Variants in RNF38 observed in about 807,000 individuals in gnomAD.
RNF38 encodes the protein ring finger protein 38.
RNF38 carries 15 observed loss-of-function variants against 67.2 expected under a neutral mutation model. The observed-to-expected ratio is 0.22, with a 90% CI of 0.15 to 0.34. The LOEUF (loss-of-function observed/expected upper bound fraction) is 0.34, where lower values mean the gene tolerates loss of function less well. Among genes scored for constraint, RNF38 ranks in the 10% least tolerant of loss-of-function variants. The pLI is 1.00. For synonymous variants in RNF38, 220 were observed against 218.8 expected (o/e 1.01, Z -0.05); for missense variants, 524 against 639.9 (o/e 0.82, Z 1.95).
intron 1 of RNF38, among the ~76,000 whole-genome samples, chr9:36,476,841 G>C (rs1055411221): frequency 6.6e-6 from 1 of 152,002 alleles, no homozygotes; most frequent in African/African-American, 2.4e-5. Flanking sequence ...ATGCTGGCGG[G>C]TAAGAATAAA....
chr9:36,447,950 A>G (rs1440530534), intron 1 of RNF38, among the ~76,000 whole-genome samples: 2 of 152,222 alleles, frequency 1.3e-5, no homozygotes, highest in Non-Finnish European at 2.9e-5. Context: ...CTACCCCCTA[A>G]GTTCTTCTGA....
chr9:36,352,753 C>T lies in RNF38; in HGVS notation c.1167G>A (p.Leu389=). 1 of 1,609,194 alleles carries T rather than the reference C, an allele frequency of 6.2e-7. No individual in the cohort carries two copies. ...AAGAAAGAACTTACAACACATATGGCAGTAAGCTGGGATGATAAGGGGGAG... is the reference window on the plus strand; with the variant it reads ...AAGAAAGAACTTACAACACATATGGTAGTAAGCTGGGATGATAAGGGGGAG... The part of the protein sequence containing the change: ...IPPPPYHPSL[L]PYVLSMLPVP... The change falls in exon 8 of 12, where the codon CTG becomes CTA. Residue 389 remains leucine, a synonymous_variant. Transcript: ENST00000259605.
Position 36,390,710 on chromosome 9 carries a change from T to C in RNF38, c.13-94A>G, listed in dbSNP as rs1192265132. On this transcript the variant is annotated intron_variant, in intron 1 of 11. Coordinates refer to ENST00000259605, the MANE Select transcript of RNF38 (RefSeq NM_022781.5). ...AGGATAGTCTGGATTTTCTAGGTAT[T>C]TGATGATTCTGCTAGCGAAGACAGG... The C allele has an allele frequency of 3.2e-6, 4 of 1,241,322 alleles. No homozygotes were observed. The East Asian group carries it at 7.2e-5, about 22-fold the overall frequency. 76.9% of individuals were successfully genotyped at this position (1,241,322 alleles called of 1,614,324 possible). A position where few individuals can be genotyped will look rare whatever the true frequency, so the allele number is the denominator to read the frequency against.
At chr9:36,395,334 T>C (rs972175504) in intron 1 of RNF38, among the ~76,000 whole-genome samples, 2 of 152,152 alleles carry the variant, frequency 1.3e-5, no homozygotes, top group Non-Finnish European at 2.9e-5. Context: ...TTCCTTTTTT[T>C]TTTTTCTCCA....
chr9:36,439,158 G>C (rs930103578), intron 1 of RNF38, among the ~76,000 whole-genome samples: 2 of 152,126 alleles, frequency 1.3e-5, no homozygotes, highest in Non-Finnish European at 2.9e-5. Context: ...TTATATTCTA[G>C]CTAATTCTAA....
intron 8 of RNF38, among the ~76,000 whole-genome samples, chr9:36,351,572 AT>A (rs1833687477): frequency 6.6e-6 from 1 of 152,212 alleles, no homozygotes; most frequent in South Asian, 2.1e-4. Context: ...AAACTGAAAC[AT>A]TTTAAGACCA....
chr9:36,484,552 A>T lies in RNF38; in HGVS notation n.241+2756T>A, dbSNP rs537478935. On this transcript the variant is annotated intron_variant and non_coding_transcript_variant, in intron 1 of 3. Transcript: ENST00000488058. ...CTTAATTTACGATTACCTGATTCAG[A>T]TTTTTTTTAAGTAATAGGACATTAA... Among the ~76,000 whole-genome samples, 84 of 152,192 alleles carry T rather than the reference A, an allele frequency of 5.5e-4. No homozygotes were observed. The South Asian group carries it at 6.0e-3, about 11-fold the overall frequency.
At chr9:36,456,206 ACAC>A (rs1358914324) in intron 1 of RNF38, among the ~76,000 whole-genome samples, 2 of 152,050 alleles carry the variant, frequency 1.3e-5, no homozygotes, top group African/African-American at 4.8e-5. Context: ...TTACAGGTGT[ACAC>A]CACCACATCT....
chr9:36,346,878 G>A (rs1833276643), intron 9 of RNF38, among the ~76,000 whole-genome samples: 1 of 152,064 alleles, frequency 6.6e-6, no homozygotes, highest in Admixed American at 6.5e-5. Context: ...AGCACTTTGG[G>A]AGGCTAAGGC....
intron 4 of RNF38, among the ~76,000 whole-genome samples, chr9:36,365,819 C>T (rs1165393197): frequency 5.3e-5 from 8 of 151,746 alleles, no homozygotes; most frequent in African/African-American, 1.9e-4. Context: ...GTGCGCGCCA[C>T]CATGCCCAGC....
At chr9:36,416,857 A>G (rs1838487954) in intron 2 of RNF38, among the ~76,000 whole-genome samples, 1 of 144,048 alleles carries the variant, frequency 6.9e-6, no homozygotes, top group African/African-American at 2.6e-5. Flanking sequence ...GGTTAAAGCG[A>G]TTCTCCTGCC....
chr9:36,459,038 T>C (rs1390565107), intron 1 of RNF38, among the ~76,000 whole-genome samples: 1 of 151,896 alleles, frequency 6.6e-6, no homozygotes, highest in African/African-American at 2.4e-5. Flanking sequence ...TGAAACCCTG[T>C]CTCTACTAAA....
At chr9:36,376,167 T>G in intron 2 of RNF38, 40 bp from the exon 3 acceptor site, 1 of 1,471,520 alleles carries the variant, frequency 6.8e-7, no homozygotes, top group Non-Finnish European at 9.1e-7. Context: ...GTAAGATCTT[T>G]TAAAGATTTC....
At chr9:36,477,324 A>G (rs1354260756) in intron 1 of RNF38, among the ~76,000 whole-genome samples, 2 of 145,726 alleles carry the variant, frequency 1.4e-5, no homozygotes, top group Non-Finnish European at 3.1e-5. Flanking sequence ...CTCGTCTGGA[A>G]AAAAAAAAAA....
chr9:36,472,665 CA>C (rs1840022182), intron 1 of RNF38, among the ~76,000 whole-genome samples: 1 of 152,206 alleles, frequency 6.6e-6, no homozygotes, highest in Non-Finnish European at 1.5e-5. Flanking sequence ...GCCCACAATA[CA>C]GATGAGATAC....
chr9:36,369,765 G>C lies in RNF38; in HGVS notation c.524C>G (p.Ala175Gly), dbSNP rs186189289. The C allele has an allele frequency of 6.2e-7, 1 of 1,614,068 alleles. No homozygotes were observed. Among genetic ancestry groups the C allele is most frequent in the Admixed American group, 1.7e-5 (1 of 60,016 alleles). The change falls in exon 4 of 12, where the codon GCT becomes GGT. Residue 175 changes from alanine to glycine, a missense_variant. Ala to Gly is a moderately conservative substitution (Grantham distance 60, BLOSUM62 0). Around this residue, in one of 2 missense-constraint regions of RNF38, gnomAD observed 461 missense variants for 517.4 expected, o/e 0.89. Coordinates refer to ENST00000259605, the MANE Select transcript of RNF38 (RefSeq NM_022781.5). ...GACTGCATTCTGCTGGGGTGGATGA[G>C]CAGCAGGATGTAGCAGACGGGGAGA... ...NVSPRLLHPAAHPPQQNAVMV... is the reference protein window; with the variant it reads ...NVSPRLLHPAGHPPQQNAVMV...
chr9:36,410,280 A>G (rs1273769285), intron 2 of RNF38, among the ~76,000 whole-genome samples: 1 of 152,236 alleles, frequency 6.6e-6, no homozygotes, highest in African/African-American at 2.4e-5. Context: ...AAAGGCAATG[A>G]AACACTACAA....
chr9:36,429,516 C>G (rs1427694850), intron 1 of RNF38, among the ~76,000 whole-genome samples: 1 of 152,204 alleles, frequency 6.6e-6, no homozygotes, highest in African/African-American at 2.4e-5. Context: ...CACAGTGGCT[C>G]ACGCCTGTAA....
intron 1 of RNF38, among the ~76,000 whole-genome samples, chr9:36,429,802 ATAAAT>A (rs1398368209): frequency 9.2e-5 from 14 of 152,322 alleles, no homozygotes; most frequent in African/African-American, 3.1e-4. Context: ...TCAAGAAAAA[ATAAAT>A]TAATTAATTA....
Sources: allele counts gnomAD v4.1 joint callset (sites outside exome capture counted in the v4.1 genomes callset), GRCh38; gene constraint gnomAD v4.1.1; regional missense constraint gnomAD v4.1.1; transcripts MANE v1.5; gene names NCBI Gene and HGNC (gene_info 2026-07-23, HGNC 2026-07-21).